LRMDA: variants seen among roughly 807,000 people sequenced by gnomAD.
LRMDA encodes leucine-rich melanocyte differentiation-associated protein.
LRMDA carries 18 observed loss-of-function variants against 29.8 expected under a neutral mutation model. The observed-to-expected ratio is 0.60, with a 90% CI of 0.42 to 0.90. The LOEUF (loss-of-function observed/expected upper bound fraction) is 0.90, where lower values mean the gene tolerates loss of function less well. Ranked by LOEUF, LRMDA falls within the 40% of genes least tolerant of loss-of-function variation. The pLI is 0.00. For missense variants in LRMDA, 273 were observed against 273.9 expected (o/e 1.00, Z 0.02); for synonymous variants, 125 against 109.4 (o/e 1.14, Z -0.89).
At chr10:76,405,472 AAC>A (rs1405835220) in intron 6 of LRMDA, among the ~76,000 whole-genome samples, 2 of 152,206 alleles carry the variant, frequency 1.3e-5, no homozygotes, top group African/African-American at 4.8e-5. Context: ...CCCTGCCAGG[AAC>A]AGTGCGCTGC....
At chr10:75,681,332 T>C (rs1426795104) in intron 2 of LRMDA, among the ~76,000 whole-genome samples, 1 of 152,214 alleles carries the variant, frequency 6.6e-6, no homozygotes, top group African/African-American at 2.4e-5. Context: ...GGAAGTCATT[T>C]TCTGGTTGAG....
rs1194599517 is a variant in LRMDA, at chr10:75,564,825, A to G, written c.131+126331A>G. Among the ~76,000 whole-genome samples, 3 of 152,312 alleles carry G rather than the reference A, an allele frequency of 2.0e-5. No individual in the cohort carries two copies. The East Asian group carries it at 5.8e-4, about 29-fold the overall frequency. On this transcript the variant is annotated intron_variant, in intron 2 of 6. Coordinates refer to ENST00000611255, the MANE Select transcript of LRMDA (RefSeq NM_001305581.2). ...GGTATGGGGTGAGGCCTAGACATCT[A>G]TATTTTTCACAAGCTTCAAAGGTGA...
chr10:76,460,569 TC>T (rs1185869347), intron 6 of LRMDA, among the ~76,000 whole-genome samples: 1 of 152,236 alleles, frequency 6.6e-6, no homozygotes, highest in African/African-American at 2.4e-5. Flanking sequence ...TAGCTATTTT[TC>T]TCTGACTAGA....
At chr10:76,112,481 A>G (rs1035216216) in intron 5 of LRMDA, among the ~76,000 whole-genome samples, 20 of 152,214 alleles carry the variant, frequency 1.3e-4, no homozygotes, top group Non-Finnish European at 2.4e-4. Context: ...GATCCCCCAA[A>G]GAGCCGGTGG....
intron 2 of LRMDA, among the ~76,000 whole-genome samples, chr10:75,645,851 ATTC>A (rs919074228): frequency 6.6e-6 from 1 of 151,670 alleles, no homozygotes; most frequent in African/African-American, 2.4e-5. Flanking sequence ...ACTTGCATTT[ATTC>A]TTTCCCTTCT....
At chr10:75,610,111 G>T (rs557689458) in intron 2 of LRMDA, among the ~76,000 whole-genome samples, 1 of 152,268 alleles carries the variant, frequency 6.6e-6, no homozygotes, top group Non-Finnish European at 1.5e-5. Flanking sequence ...TTAAAAAATT[G>T]TGATAGGATA....
At chr10:75,653,622 G>T (rs1589147426) in intron 2 of LRMDA, among the ~76,000 whole-genome samples, 1 of 152,322 alleles carries the variant, frequency 6.6e-6, no homozygotes, top group East Asian at 1.9e-4. Context: ...GGTTGCCCTT[G>T]CATGTGCTGT....
chr10:75,961,983 C>G (rs142273335), intron 2 of LRMDA, among the ~76,000 whole-genome samples: 2 of 152,122 alleles, frequency 1.3e-5, no homozygotes, highest in East Asian at 3.9e-4. Context: ...CCATCTTCAC[C>G]TGGCATCTCC....
At chr10:76,147,368 G>C (rs1850346151) in intron 5 of LRMDA, among the ~76,000 whole-genome samples, 1 of 152,060 alleles carries the variant, frequency 6.6e-6, no homozygotes, top group African/African-American at 2.4e-5. Context: ...ATATTTCTTG[G>C]AGGCTTTGTT....
chr10:76,452,241 A>G (rs1227143679), intron 6 of LRMDA, among the ~76,000 whole-genome samples: 1 of 152,176 alleles, frequency 6.6e-6, no homozygotes, highest in Non-Finnish European at 1.5e-5. Context: ...TTGGATGTAG[A>G]CAATAATATA....
At chr10:75,592,791 G>A (rs1254390870) in intron 2 of LRMDA, among the ~76,000 whole-genome samples, 2 of 152,226 alleles carry the variant, frequency 1.3e-5, no homozygotes, top group Non-Finnish European at 2.9e-5. Flanking sequence ...TATGTCAAGC[G>A]ATTTCTTCAA....
chr10:76,532,710 T>C (rs1843247695), intron 6 of LRMDA, among the ~76,000 whole-genome samples: 1 of 152,214 alleles, frequency 6.6e-6, no homozygotes, highest in African/African-American at 2.4e-5. Context: ...AGAGTTTTAT[T>C]TGGCAAAGAG....
chr10:76,278,747 T>C (rs1446417935), intron 5 of LRMDA, among the ~76,000 whole-genome samples: 1 of 152,228 alleles, frequency 6.6e-6, no homozygotes, highest in African/African-American at 2.4e-5. Flanking sequence ...GGCCTCTCCC[T>C]TCCTCCTGAA....
chr10:76,211,843 T>G (rs983013321), intron 5 of LRMDA, among the ~76,000 whole-genome samples: 2 of 152,222 alleles, frequency 1.3e-5, no homozygotes, highest in South Asian at 2.1e-4. Flanking sequence ...GCTAAATGTC[T>G]TCAGAGTCTC....
intron 2 of LRMDA, among the ~76,000 whole-genome samples, chr10:75,686,116 G>T (rs563434054): frequency 1.3e-5 from 2 of 152,310 alleles, no homozygotes; most frequent in Non-Finnish European, 2.9e-5. Flanking sequence ...TCTGCTGAAG[G>T]AACAACAGGG....
chr10:75,698,293 A>C (rs1379856329), intron 2 of LRMDA, among the ~76,000 whole-genome samples: 1 of 151,550 alleles, frequency 6.6e-6, no homozygotes, highest in African/African-American at 2.4e-5. Flanking sequence ...ACTTTAGGCA[A>C]CTCCCTTAGC....
At chr10:75,848,846 C>G (rs1844684178) in intron 2 of LRMDA, among the ~76,000 whole-genome samples, 1 of 152,112 alleles carries the variant, frequency 6.6e-6, no homozygotes, top group Non-Finnish European at 1.5e-5. Context: ...GGAAAAGTGG[C>G]TCGTTTTGCC....
intron 5 of LRMDA, among the ~76,000 whole-genome samples, chr10:76,099,929 G>A (rs886380282): frequency 2.0e-5 from 3 of 152,068 alleles, no homozygotes; most frequent in Non-Finnish European, 2.9e-5. Context: ...TTTCATATGA[G>A]GCTTCATAAT....
chr10:76,436,300 G>A (rs1270015472), intron 6 of LRMDA, among the ~76,000 whole-genome samples: 1 of 152,210 alleles, frequency 6.6e-6, no homozygotes, highest in South Asian at 2.1e-4. Context: ...TGAAAAATAA[G>A]TGTGTGAAGA....
Sources: gnomAD v4.1 joint callset for allele counts (sites outside exome capture counted in the v4.1 genomes callset) on GRCh38, gnomAD v4.1.1 for gene constraint, MANE v1.5 for transcripts, NCBI Gene and HGNC (gene_info 2026-07-23, HGNC 2026-07-21) for gene names.